The following COPG2 variants were observed in gnomAD, a reference collection of about 807,000 sequenced individuals.
The protein encoded by COPG2 is coat protein complex I subunit gamma 2, also known as coatomer subunit gamma-2.
A neutral mutation model predicts 46.3 loss-of-function variants in COPG2; 37 were observed. The observed-to-expected ratio is 0.80, with a 90% CI of 0.61 to 1.05. COPG2 has a LOEUF of 1.05. Ranked by LOEUF, COPG2 falls within the 50% of genes least tolerant of loss-of-function variation. The pLI is 0.00. For missense variants in COPG2, 427 were observed against 387.8 expected, an observed-to-expected ratio of 1.10 and a Z score of -0.85; for synonymous variants, 159 against 129.7, an observed-to-expected ratio of 1.23 and a Z score of -1.53.
At chr7:130,524,006 C>T (rs1448360630) in intron 20 of COPG2, among the ~76,000 whole-genome samples, 7 of 151,918 alleles carry the variant, frequency 4.6e-5, no homozygotes, top group South Asian at 2.1e-4. Context: ...CAGGAGTGAG[C>T]GCTGATGACA....
intron 20 of COPG2, among the ~76,000 whole-genome samples, chr7:130,513,308 A>AAATAT (rs1236511164): frequency 9.0e-5 from 5 of 55,674 alleles, no homozygotes; most frequent in Middle Eastern, 0.016. Flanking sequence ...AAAAAAAAAA[A>AAATAT]ATATATATAT....
intron 9 of COPG2, among the ~76,000 whole-genome samples, chr7:130,599,163 A>C (rs1794585164): frequency 6.6e-6 from 1 of 152,128 alleles, no homozygotes; most frequent in East Asian, 1.9e-4. Context: ...CCTTAAGAAT[A>C]AGGGATGGAA....
At chr7:130,559,109 A>G (rs954902959) in intron 12 of COPG2, among the ~76,000 whole-genome samples, 7 of 152,370 alleles carry the variant, frequency 4.6e-5, no homozygotes, top group Admixed American at 6.5e-5. Context: ...AGAAAAGTCA[A>G]AAGACAAATG....
At chr7:130,553,909 T>G (rs1413042864) in intron 14 of COPG2, among the ~76,000 whole-genome samples, 1 of 152,206 alleles carries the variant, frequency 6.6e-6, no homozygotes, top group African/African-American at 2.4e-5. Flanking sequence ...AGTATCTAAC[T>G]TGATTTTACA....
chr7:130,562,364 A>T lies in COPG2; in HGVS notation c.939+905T>A, dbSNP rs968918050. On this transcript the variant is annotated intron_variant, in intron 11 of 23. Coordinates refer to ENST00000425248, the MANE Select transcript of COPG2 (RefSeq NM_012133.6). ...ACAAAGTGAGACTCTGTCTCCAAAA[A>T]AAATAAATAAATAAAAAACCATTTA... 7.9e-5 allele frequency among the ~76,000 whole-genome samples: 12 copies of T among 152,312 alleles called. 1 individual carries two copies. Among genetic ancestry groups the T allele is most frequent in the Admixed American group, 2.6e-4 (4 of 15,292 alleles).
intron 20 of COPG2, chr7:130,509,197 A>G (rs967688160): frequency 2.1e-6 from 1 of 467,584 alleles, no homozygotes; most frequent in African/African-American, 2.0e-5. Flanking sequence ...GCCTAAAGTG[A>G]GTAGGTCAGT....
intron 9 of COPG2, among the ~76,000 whole-genome samples, chr7:130,581,508 A>C (rs1391706862): frequency 2.0e-5 from 3 of 147,208 alleles, no homozygotes; most frequent in Non-Finnish European, 4.5e-5. Context: ...GCAATTGGGC[A>C]GGAGAAGGAA....
At chr7:130,514,152 TGCTTGAAAAGTAATGCGAA>T (rs1407702862) in intron 20 of COPG2, among the ~76,000 whole-genome samples, 148 of 152,358 alleles carry the variant, frequency 9.7e-4, no homozygotes, top group African/African-American at 3.2e-3. Context: ...GAAGAACAAG[TGCTTGAAAAGTAATGCGAA>T]GCTTTTGTGA....
chr7:130,583,336 G>C (rs1482556209), intron 9 of COPG2, among the ~76,000 whole-genome samples: 3 of 147,830 alleles, frequency 2.0e-5, no homozygotes, highest in African/African-American at 7.5e-5. Context: ...ATCACACTCT[G>C]GGGACTGTGG....
intron 9 of COPG2, among the ~76,000 whole-genome samples, chr7:130,592,961 T>C (rs1358631495): frequency 1.3e-5 from 2 of 152,254 alleles, no homozygotes; most frequent in Non-Finnish European, 2.9e-5. Context: ...TCTCATAGTA[T>C]GAAAATGTCA....
At chr7:130,594,621 G>C (rs1256465944) in intron 9 of COPG2, among the ~76,000 whole-genome samples, 3 of 152,164 alleles carry the variant, frequency 2.0e-5, no homozygotes, top group African/African-American at 7.2e-5. Flanking sequence ...TCTGATAAGG[G>C]TTTAGTATCC....
intron 20 of COPG2, among the ~76,000 whole-genome samples, chr7:130,512,567 G>A (rs1799612918): frequency 6.6e-6 from 1 of 151,996 alleles, no homozygotes; most frequent in Non-Finnish European, 1.5e-5. Context: ...ATCACTTGAG[G>A]TCAGGAGTTT....
chr7:130,556,543 A>G (rs1793629931), intron 12 of COPG2, among the ~76,000 whole-genome samples: 1 of 152,222 alleles, frequency 6.6e-6, no homozygotes, highest in African/African-American at 2.4e-5. Context: ...TGTTTGTATG[A>G]AGCAATGATA....
chr7:130,550,660 T>G lies in COPG2; in HGVS notation c.1649-11A>C, dbSNP rs1395776964. ...CAGAGACCGTCAAACCTGTGAAACATAGAGAAATCTCAGCATTATAACCTC... is the reference window on the plus strand; with the variant it reads ...CAGAGACCGTCAAACCTGTGAAACAGAGAGAAATCTCAGCATTATAACCTC... On this transcript the variant is annotated splice_polypyrimidine_tract_variant and intron_variant, in intron 16 of 23. Coordinates refer to ENST00000425248, the MANE Select transcript of COPG2 (RefSeq NM_012133.6). 2.5e-6 allele frequency: 1 copy of G among 396,818 alleles called. No homozygotes were observed. 24.6% of individuals were successfully genotyped at this position (396,818 alleles called of 1,614,324 possible).
chr7:130,633,791 G>A (rs1795275531), intron 5 of COPG2, among the ~76,000 whole-genome samples: 2 of 152,116 alleles, frequency 1.3e-5, no homozygotes, highest in Admixed American at 1.3e-4. Context: ...TGAAGTCTTT[G>A]CCCATGCCTA....
intron 9 of COPG2, among the ~76,000 whole-genome samples, chr7:130,598,678 T>A (rs1794575428): frequency 6.6e-6 from 1 of 152,230 alleles, no homozygotes. Flanking sequence ...AAGCATCAAC[T>A]GCTCGGAGGG....
chr7:130,608,260 T>A (rs1040281819), intron 9 of COPG2: 5 of 446,264 alleles, frequency 1.1e-5, no homozygotes, highest in Non-Finnish European at 2.2e-5. Context: ...ATGCCCTTTA[T>A]ACTACTATTT....
At chr7:130,614,637 T>C (rs1035169640) in intron 6 of COPG2, among the ~76,000 whole-genome samples, 4 of 152,202 alleles carry the variant, frequency 2.6e-5, no homozygotes, top group Non-Finnish European at 5.9e-5. Flanking sequence ...TATAAGCTAC[T>C]GGCCTATTGC....
intron 5 of COPG2, among the ~76,000 whole-genome samples, chr7:130,625,066 C>A (rs1456527187): frequency 6.6e-6 from 1 of 152,180 alleles, no homozygotes; most frequent in African/African-American, 2.4e-5. Context: ...CACATCTATG[C>A]CAACATCTAT....
Sources: gnomAD v4.1 joint callset for allele counts (sites outside exome capture counted in the v4.1 genomes callset) on GRCh38, gnomAD v4.1.1 for gene constraint, MANE v1.5 for transcripts, NCBI Gene and HGNC (gene_info 2026-07-23, HGNC 2026-07-21) for gene names.